TPRG1: variants seen among roughly 807,000 people sequenced by gnomAD.
TPRG1 encodes the protein tumor protein p63-regulated gene 1 protein.
Under a neutral mutation model 29.3 loss-of-function variants are expected in TPRG1, and 29 were observed. The ratio of observed to expected loss-of-function variants is 0.99; its 90% CI spans 0.74 to 1.35. The LOEUF (loss-of-function observed/expected upper bound fraction) is 1.35, where lower values mean the gene tolerates loss of function less well. Ranked by LOEUF, TPRG1 falls within the 40% of genes most tolerant of loss-of-function variation. The pLI is 0.00. For synonymous variants in TPRG1, 130 were observed against 116.8 expected (o/e 1.11, Z -0.73); for missense variants, 327 against 335.0 (o/e 0.98, Z 0.19).
In TPRG1 at chr3:189,274,154, G is replaced by A. The variant is rs566634485; in HGVS notation, c.479+35245G>A. 5.5e-4 allele frequency among the ~76,000 whole-genome samples: 84 copies of A among 151,700 alleles called. 1 individual carries two copies. The highest frequency in any genetic ancestry group is 1.9e-3 in the African/African-American group (80 of 41,306). On this transcript the variant is annotated intron_variant, in intron 4 of 5. Transcript: ENST00000345063. ...TCCATGGAGTGATTTTTAGAAAAAGGCTAATGACCCTGACCTCAGAGTCTG... is the reference window on the plus strand; with the variant it reads ...TCCATGGAGTGATTTTTAGAAAAAGACTAATGACCCTGACCTCAGAGTCTG...
intron 4 of TPRG1, among the ~76,000 whole-genome samples, chr3:189,261,303 AAGC>A (rs1712989158): frequency 1.3e-5 from 2 of 152,096 alleles, no homozygotes; most frequent in Non-Finnish European, 2.9e-5. Context: ...GATCTGGTGG[AAGC>A]TGGCATTTTG....
chr3:189,207,278 A>G, intron 1 of TPRG1, 98 bp from the exon 2 acceptor site: 1 of 1,477,150 alleles, frequency 6.8e-7, no homozygotes, highest in Non-Finnish European at 9.1e-7. Context: ...TTTAAGTTTC[A>G]GGAATTCCGT....
At chr3:189,288,713 GT>G (rs1249855884) in intron 4 of TPRG1, among the ~76,000 whole-genome samples, 1 of 152,230 alleles carries the variant, frequency 6.6e-6, no homozygotes, top group African/African-American at 2.4e-5. Context: ...CTAAGTCGCA[GT>G]TTCAAAACTT....
At chr3:189,065,812 A>C (rs1716400777) in intron 4 of TPRG1, among the ~76,000 whole-genome samples, 1 of 152,100 alleles carries the variant, frequency 6.6e-6, no homozygotes, top group South Asian at 2.1e-4. Context: ...TAGCTACTGC[A>C]GTAAGCTAAG....
At chr3:189,304,886 C>T (rs1306079565) in intron 4 of TPRG1, among the ~76,000 whole-genome samples, 1 of 152,168 alleles carries the variant, frequency 6.6e-6, no homozygotes, top group African/African-American at 2.4e-5. Flanking sequence ...CGCCCGCCTC[C>T]TCCCACTCAC....
At chr3:189,317,485 A>G (rs1723719452) in intron 5 of TPRG1, among the ~76,000 whole-genome samples, 2 of 152,212 alleles carry the variant, frequency 1.3e-5, no homozygotes, top group South Asian at 4.1e-4. Context: ...CGTGTATACA[A>G]ACACTTTATT....
intron 4 of TPRG1, among the ~76,000 whole-genome samples, chr3:189,268,473 T>A (rs1714514586): frequency 1.3e-5 from 2 of 152,322 alleles, no homozygotes; most frequent in South Asian, 4.1e-4. Context: ...GCCAGGAGGT[T>A]ATATTTAAAT....
intron 4 of TPRG1, among the ~76,000 whole-genome samples, chr3:189,043,019 T>G (rs2152135463): frequency 6.6e-6 from 1 of 152,316 alleles, no homozygotes; most frequent in African/African-American, 2.4e-5. Context: ...TCACCCATTG[T>G]TTATTCTCCA....
At chr3:189,199,143 A>G (rs1349077736) in intron 1 of TPRG1, among the ~76,000 whole-genome samples, 2 of 152,172 alleles carry the variant, frequency 1.3e-5, no homozygotes, top group African/African-American at 2.4e-5. Flanking sequence ...TATTTGAGTC[A>G]GAGGGAAGTC....
intron 5 of TPRG1, among the ~76,000 whole-genome samples, chr3:189,155,595 T>C (rs556656337): frequency 3.4e-4 from 52 of 152,264 alleles, no homozygotes; most frequent in African/African-American, 1.2e-3. Flanking sequence ...AGGATATGGA[T>C]ACAGTGAAAG....
rs766728490 is a variant in TPRG1 at position 189,310,471 on chromosome 3, G to A, written c.565G>A (p.Val189Ile). The A allele has an allele frequency of 6.2e-7, 1 of 1,612,952 alleles. No individual in the cohort carries two copies. Among genetic ancestry groups the A allele is most frequent in the Non-Finnish European group, 8.5e-7 (1 of 1,179,570 alleles). The stretch of plus-strand genomic sequence containing the variant: ...CCGCTGGAACCCATGGTCCACTGAA[G>A]TTCCTTATGCTACTTTCACTGAGCA... ...LSRWNPWSTEVPYATFTEHPM... is the reference protein window; with the variant it reads ...LSRWNPWSTEIPYATFTEHPM... Residue 189 changes from valine to isoleucine, a missense_variant, in exon 5 of 6, where the codon GTT (valine) becomes ATT (isoleucine). Val to Ile is a conservative substitution (Grantham distance 29). Coordinates refer to ENST00000345063, the MANE Select transcript of TPRG1 (RefSeq NM_198485.4).
intron 4 of TPRG1, among the ~76,000 whole-genome samples, chr3:189,057,820 ATATATATACACACATATGTATGTGTG>A (rs1228772326): frequency 2.4e-4 from 34 of 141,686 alleles, no homozygotes; most frequent in African/African-American, 9.1e-4. Context: ...ATATGTGTGT[ATATATATACACACATATGTATGTGTG>A]TATATATATA....
chr3:189,160,622 G>C (rs193174571), intron 5 of TPRG1, among the ~76,000 whole-genome samples: 64 of 152,260 alleles, frequency 4.2e-4, no homozygotes, highest in Middle Eastern at 3.4e-3. Flanking sequence ...CCCCAACCCA[G>C]GGAGACGGGG....
chr3:189,214,672 A>C (rs1371310401), intron 2 of TPRG1, among the ~76,000 whole-genome samples: 1 of 152,234 alleles, frequency 6.6e-6, no homozygotes, highest in Non-Finnish European at 1.5e-5. Context: ...AGAGTCCCAG[A>C]AATCTATGTT....
intron 5 of TPRG1, among the ~76,000 whole-genome samples, chr3:189,312,829 C>T (rs542531398): frequency 6.6e-6 from 1 of 152,258 alleles, no homozygotes; most frequent in South Asian, 2.1e-4. Flanking sequence ...GGATTTTGCC[C>T]TAGCCTTCCC....
chr3:189,240,322 G>A (rs938339274), intron 4 of TPRG1: 10 of 151,528 alleles, frequency 6.6e-5, no homozygotes, highest in Non-Finnish European at 1.5e-4. Flanking sequence ...CCAGACCCTC[G>A]GTTCTTCAGC....
chr3:189,107,584 G>C lies in TPRG1; in HGVS notation c.-744+7380G>C, dbSNP rs183872957. Among the ~76,000 whole-genome samples, 383 of 151,924 alleles carry C rather than the reference G, an allele frequency of 2.5e-3. 7 individuals are homozygous for C. Among genetic ancestry groups the C allele is most frequent in the East Asian group, 4.1e-3 (21 of 5,164 alleles). ...CCCTTAGCCTTTTTGTTTTCCTATT[G>C]AATCATATCAATCTTTTCATATCAT... On this transcript the variant is annotated intron_variant, in intron 1 of 6. Coordinates refer to the TPRG1 transcript ENST00000412373.
At chr3:189,170,581 T>G (rs1435013412), upstream of TPRG1, among the ~76,000 whole-genome samples, 1 of 152,228 alleles carries the variant, frequency 6.6e-6, no homozygotes, top group Non-Finnish European at 1.5e-5. Flanking sequence ...TTTATCTTCT[T>G]GAGCTCCTTA....
At chr3:189,105,295 G>A (rs1192281303) in intron 1 of TPRG1, among the ~76,000 whole-genome samples, 2 of 152,094 alleles carry the variant, frequency 1.3e-5, no homozygotes, top group Non-Finnish European at 2.9e-5. Context: ...TACTCATGAT[G>A]TTGGTCCTGA....
Sources: allele counts gnomAD v4.1 joint callset (sites outside exome capture counted in the v4.1 genomes callset), GRCh38; gene constraint gnomAD v4.1.1; transcripts MANE v1.5; gene names NCBI Gene and HGNC (gene_info 2026-07-23, HGNC 2026-07-21).